Variants in NAALADL2 observed in about 807,000 individuals in gnomAD.
The protein encoded by NAALADL2 is N-acetylated alpha-linked acidic dipeptidase like 2.
Under a neutral mutation model 87.2 loss-of-function variants are expected in NAALADL2, and 76 were observed. The observed-to-expected ratio is 0.87, with a 90% CI of 0.72 to 1.05. The LOEUF (loss-of-function observed/expected upper bound fraction) is 1.05, where lower values mean the gene tolerates loss of function less well. Ranked by LOEUF, NAALADL2 falls within the 50% of genes least tolerant of loss-of-function variation. The pLI is 0.00. For synonymous variants in NAALADL2, 354 were observed against 331.0 expected (o/e 1.07, Z -0.75); for missense variants, 1,089 against 945.8 (o/e 1.15, Z -1.99).
At chr3:175,800,575 CTCATTT>C (rs1200839923) in intron 13 of NAALADL2, among the ~76,000 whole-genome samples, 1 of 152,124 alleles carries the variant, frequency 6.6e-6, no homozygotes, top group Non-Finnish European at 1.5e-5. Context: ...TCATCATGTA[CTCATTT>C]TCAACAGAAA....
chr3:175,353,036 T>C (rs1213632051), intron 5 of NAALADL2, among the ~76,000 whole-genome samples: 1 of 152,078 alleles, frequency 6.6e-6, no homozygotes, highest in African/African-American at 2.4e-5. Flanking sequence ...AAGGATGATA[T>C]GGAATTTCTG....
Position 174,530,262 on chromosome 3 carries a change from G to A in NAALADL2, c.-183-20307G>A, listed in dbSNP as rs192624313. 3.3e-5 allele frequency among the ~76,000 whole-genome samples: 5 copies of A among 152,138 alleles called. No individual in the cohort carries two copies. In the East Asian group the frequency reaches 5.8e-4, roughly 18 times the overall value. ...CACCAGTCTCTTTGCTAAAACATAC[G>A]AAGAGTCACCTTTGCTCCAGTTCCC... is the stretch of plus-strand genomic sequence containing the variant. On this transcript the variant is annotated intron_variant, in intron 1 of 3. Coordinates refer to the NAALADL2 transcript ENST00000434257.
chr3:175,021,036 A>G (rs1437507084), intron 1 of NAALADL2, among the ~76,000 whole-genome samples: 2 of 152,118 alleles, frequency 1.3e-5, no homozygotes, highest in African/African-American at 2.4e-5. Flanking sequence ...TCTTGGCTAT[A>G]GGAATAAACA....
intron 9 of NAALADL2, among the ~76,000 whole-genome samples, chr3:175,519,029 G>A (rs1732270762): frequency 6.6e-6 from 1 of 152,210 alleles, no homozygotes; most frequent in Non-Finnish European, 1.5e-5. Flanking sequence ...GTGATCTAAT[G>A]TTAATAGCCT....
intron 1 of NAALADL2, among the ~76,000 whole-genome samples, chr3:174,492,966 G>T (rs1389473335): frequency 5.3e-5 from 8 of 152,192 alleles, no homozygotes; most frequent in Non-Finnish European, 2.9e-5. Context: ...TGACTGTAGT[G>T]CAAGGATTGG....
chr3:174,878,446 G>A (rs1459800207), intron 1 of NAALADL2, among the ~76,000 whole-genome samples: 2 of 152,056 alleles, frequency 1.3e-5, no homozygotes, highest in Non-Finnish European at 2.9e-5. Context: ...GAGCAACTAT[G>A]TTGCTATGAA....
chr3:174,990,775 A>C (rs1259449483), intron 1 of NAALADL2, among the ~76,000 whole-genome samples: 2 of 152,158 alleles, frequency 1.3e-5, no homozygotes, highest in African/African-American at 4.8e-5. Context: ...TTTTAAAAAC[A>C]ATACTGATGG....
chr3:174,983,793 A>G (rs1365131653), intron 1 of NAALADL2, among the ~76,000 whole-genome samples: 1 of 152,188 alleles, frequency 6.6e-6, no homozygotes, highest in African/African-American at 2.4e-5. Context: ...GACCATAGCA[A>G]TTGACTTGCA....
chr3:174,678,932 A>T (rs1272542240), intron 2 of NAALADL2, among the ~76,000 whole-genome samples: 1 of 152,178 alleles, frequency 6.6e-6, no homozygotes, highest in African/African-American at 2.4e-5. Flanking sequence ...AAGTTTATCT[A>T]CTTTTCTCCT....
At chr3:174,828,658 T>G (rs528340745) in intron 3 of NAALADL2, among the ~76,000 whole-genome samples, 7 of 152,232 alleles carry the variant, frequency 4.6e-5, no homozygotes, top group Admixed American at 4.6e-4. Context: ...TTCATTAGTG[T>G]GTCTTCTTTG....
chr3:174,832,342 A>G (rs1722822909), intron 3 of NAALADL2, among the ~76,000 whole-genome samples: 1 of 151,990 alleles, frequency 6.6e-6, no homozygotes, highest in Non-Finnish European at 1.5e-5. Context: ...GAACATCTTT[A>G]TTTCTGCCTT....
intron 1 of NAALADL2, among the ~76,000 whole-genome samples, chr3:174,929,914 T>G (rs1350598000): frequency 1.3e-5 from 2 of 152,142 alleles, no homozygotes; most frequent in Non-Finnish European, 1.5e-5. Flanking sequence ...ATAAATGACA[T>G]AGTGTATGTA....
chr3:174,524,914 G>A (rs1015249085), intron 1 of NAALADL2, among the ~76,000 whole-genome samples: 59 of 152,096 alleles, frequency 3.9e-4, no homozygotes, highest in Admixed American at 5.9e-4. Flanking sequence ...GTAGCACAAA[G>A]CATTACCTTT....
chr3:175,559,007 G>T (rs1715817880), intron 9 of NAALADL2, among the ~76,000 whole-genome samples: 1 of 151,974 alleles, frequency 6.6e-6, no homozygotes, highest in Non-Finnish European at 1.5e-5. Flanking sequence ...TCTGTAGATT[G>T]CTTTGGGTAG....
intron 1 of NAALADL2, among the ~76,000 whole-genome samples, chr3:175,054,206 T>A (rs1580211816): frequency 6.6e-6 from 1 of 152,344 alleles, no homozygotes; most frequent in African/African-American, 2.4e-5. Flanking sequence ...AAAACTTTAC[T>A]TTTTAAGCCA....
At chr3:174,647,756 C>G (rs1234744197) in intron 2 of NAALADL2, among the ~76,000 whole-genome samples, 2 of 152,146 alleles carry the variant, frequency 1.3e-5, no homozygotes, top group East Asian at 3.9e-4. Flanking sequence ...ATCTTTTTCA[C>G]TTGACTCCCT....
rs73047258 is a variant in NAALADL2 at position 175,331,808 on chromosome 3, C to G, written c.1090+7483C>G. On this transcript the variant is annotated intron_variant, in intron 5 of 13. Transcript: ENST00000454872. ...ACATCCACATTGGAAAAGAAGAAGTCAAATTGTCCCTCTATGCAGATGACA... is the reference window on the plus strand; with the variant it reads ...ACATCCACATTGGAAAAGAAGAAGTGAAATTGTCCCTCTATGCAGATGACA... Among the ~76,000 whole-genome samples the G allele has an allele frequency of 2.7e-3, 413 of 152,246 alleles. 3 individuals are homozygous for G. The highest frequency in any genetic ancestry group is 8.9e-3 in the African/African-American group (369 of 41,544).
At chr3:175,788,564 G>A (rs1752393820) in intron 13 of NAALADL2, among the ~76,000 whole-genome samples, 1 of 152,182 alleles carries the variant, frequency 6.6e-6, no homozygotes, top group Admixed American at 6.5e-5. Flanking sequence ...AAGCCTAGGT[G>A]TGTAGTAGGC....
Position 175,781,450 on chromosome 3 carries a change from G to C in NAALADL2, c.2190-21555G>C, listed in dbSNP as rs554788627. On this transcript the variant is annotated intron_variant, in intron 13 of 13. Coordinates refer to ENST00000454872, the MANE Select transcript of NAALADL2 (RefSeq NM_207015.3). Reference sequence around the variant, plus strand: ...GGTATAAACAAACTTACTGCTGCCAGTCATATAAGCATATAGCAATTATAA... The same window carrying C: ...GGTATAAACAAACTTACTGCTGCCACTCATATAAGCATATAGCAATTATAA... 2.2e-4 allele frequency among the ~76,000 whole-genome samples: 33 copies of C among 152,122 alleles called. No individual in the cohort carries two copies. In the East Asian group the frequency reaches 5.8e-3, roughly 27 times the overall value.
Sources: gnomAD v4.1 joint callset for allele counts (sites outside exome capture counted in the v4.1 genomes callset) on GRCh38, gnomAD v4.1.1 for gene constraint, MANE v1.5 for transcripts, NCBI Gene and HGNC (gene_info 2026-07-23, HGNC 2026-07-21) for gene names.